The following MRPS18A variants were observed in gnomAD, a reference collection of about 807,000 sequenced individuals.
MRPS18A encodes the protein mitochondrial ribosomal protein S18A.
In MRPS18A, 20 loss-of-function variants were observed where a neutral mutation model predicts 22.7. The ratio of observed to expected loss-of-function variants is 0.88; its 90% CI spans 0.62 to 1.28. MRPS18A has a LOEUF of 1.28. Among genes scored for constraint, MRPS18A ranks in the 50% most tolerant of loss-of-function variants. The pLI, the probability that MRPS18A is intolerant of heterozygous loss-of-function variation, is 0.00. For missense variants in MRPS18A, 294 were observed against 262.6 expected (o/e 1.12, Z -0.83); for synonymous variants, 106 against 99.1 (o/e 1.07, Z -0.41).
At chr6:43,676,848 C>T (rs1283745214) in intron 3 of MRPS18A, among the ~76,000 whole-genome samples, 1 of 152,202 alleles carries the variant, frequency 6.6e-6, no homozygotes, top group Non-Finnish European at 1.5e-5. Context: ...GGACCCAGGC[C>T]TTCAATTCCC....
At chr6:43,681,215 C>G in intron 1 of MRPS18A, 95 bp from the exon 2 acceptor site, 7 of 1,312,858 alleles carry the variant, frequency 5.3e-6, no homozygotes, top group Middle Eastern at 1.8e-4. Flanking sequence ...TGGAAAAAAG[C>G]AGCCTTCCAT....
intron 1 of MRPS18A, among the ~76,000 whole-genome samples, chr6:43,684,470 C>T (rs955787815): frequency 1.2e-4 from 19 of 152,182 alleles, no homozygotes; most frequent in African/African-American, 4.3e-4. Context: ...CTGCTTCCTC[C>T]AGTTCATCTT....
At chr6:43,678,883 G>A (rs1484604041) in intron 2 of MRPS18A, among the ~76,000 whole-genome samples, 1 of 152,110 alleles carries the variant, frequency 6.6e-6, no homozygotes, top group African/African-American at 2.4e-5. Context: ...TAATACCAGT[G>A]TCAAGAGGGA....
intron 5 of MRPS18A, chr6:43,672,605 G>C (rs1773801048): frequency 9.4e-6 from 3 of 319,400 alleles, no homozygotes; most frequent in Admixed American, 7.9e-5. Flanking sequence ...TGTCCAGAAA[G>C]GCCCATCCTT....
chr6:43,686,741 A>T (rs1165623872), intron 1 of MRPS18A, among the ~76,000 whole-genome samples: 1 of 152,210 alleles, frequency 6.6e-6, no homozygotes, highest in Non-Finnish European at 1.5e-5. Flanking sequence ...AAAAAACCCC[A>T]CATCTCTTCT....
intron 1 of MRPS18A, 60 bp downstream of exon 1, chr6:43,687,608 G>A (rs1774787357): frequency 7.2e-7 from 1 of 1,392,368 alleles, no homozygotes. Context: ...ACCGGGGCTG[G>A]CGGAAGCAGT....
At chr6:43,677,490 C>T (rs912060289) in intron 3 of MRPS18A, among the ~76,000 whole-genome samples, 1 of 152,206 alleles carries the variant, frequency 6.6e-6, no homozygotes, top group African/African-American at 2.4e-5. Context: ...GAGCCTGAAT[C>T]ACCTGAAACC....
At position 43,687,675 on chromosome 6, in the gene MRPS18A, G is replaced by T; in HGVS notation, c.105C>A (p.Phe35Leu). ...TSWSRLPARGFREVVETQEGK... is the reference protein window; with the variant it reads ...TSWSRLPARGLREVVETQEGK... Reference sequence around the variant, plus strand: ...CTGGGACGCATGACTCACCTTCCCTGAACCCGCGAGCTGGAAGCCGAGACC... The same window carrying T: ...CTGGGACGCATGACTCACCTTCCCTTAACCCGCGAGCTGGAAGCCGAGACC... Residue 35 changes from phenylalanine to leucine, a missense_variant, in exon 1 of 6, where the codon TTC becomes TTA. Coordinates refer to ENST00000372133, the MANE Select transcript of MRPS18A (RefSeq NM_018135.4). 6.4e-7 allele frequency: 1 copy of T among 1,571,244 alleles called. No homozygotes were observed. Among genetic ancestry groups the T allele is most frequent in the Non-Finnish European group, 8.6e-7 (1 of 1,158,024 alleles).
intron 1 of MRPS18A, 96 bp from the exon 2 acceptor site, chr6:43,681,216 A>G (rs1197766282): frequency 7.7e-7 from 1 of 1,301,340 alleles, no homozygotes; most frequent in Non-Finnish European, 1.1e-6. Context: ...GGAAAAAAGC[A>G]GCCTTCCATC....
intron 5 of MRPS18A, among the ~76,000 whole-genome samples, chr6:43,672,875 G>A (rs1561948758): frequency 6.6e-6 from 1 of 152,116 alleles, no homozygotes; most frequent in Non-Finnish European, 1.5e-5. Context: ...TTGCTGGCCT[G>A]CACTCCAAGT....
chr6:43,674,904 A>G (rs118024214), intron 5 of MRPS18A, among the ~76,000 whole-genome samples: 1 of 152,198 alleles, frequency 6.6e-6, no homozygotes, highest in East Asian at 1.9e-4. Flanking sequence ...GGATACTGAA[A>G]ATTTGTAGTA....
intron 5 of MRPS18A, chr6:43,672,287 A>G: frequency 2.2e-6 from 1 of 456,596 alleles, no homozygotes; most frequent in East Asian, 6.7e-5. Flanking sequence ...CTCTGGAGGA[A>G]CCCATTGCTC....
In MRPS18A at chr6:43,671,202, T is replaced by G; in HGVS notation, c.*560A>C. On this transcript the variant is annotated 3_prime_UTR_variant, in exon 6 of 6. Coordinates refer to ENST00000372133, the MANE Select transcript of MRPS18A (RefSeq NM_018135.4). ...GGGAGAAGGTGACAACCAGGGCCCC[T>G]TTGAGGAACGCAGTTTCTTGGATTC... 1.7e-6 allele frequency: 1 copy of G among 582,794 alleles called. No homozygotes were observed. Among genetic ancestry groups the G allele is most frequent in the Non-Finnish European group, 3.0e-6 (1 of 328,430 alleles). The allele number at this position is 582,794 out of a possible 1,614,324, so 36.1% of individuals were successfully genotyped here.
At chr6:43,684,136 G>C (rs1287403891) in intron 1 of MRPS18A, among the ~76,000 whole-genome samples, 2 of 151,914 alleles carry the variant, frequency 1.3e-5, no homozygotes, top group Admixed American at 1.3e-4. Flanking sequence ...AACAAACACA[G>C]AAAATGCAAA....
chr6:43,672,918 G>T (rs1340021921), intron 5 of MRPS18A, among the ~76,000 whole-genome samples: 1 of 151,784 alleles, frequency 6.6e-6, no homozygotes, highest in Non-Finnish European at 1.5e-5. Flanking sequence ...GGCCTTCCAT[G>T]TGTCTCCTGG....
intron 1 of MRPS18A, among the ~76,000 whole-genome samples, chr6:43,684,355 C>A (rs1774575221): frequency 2.0e-5 from 3 of 151,974 alleles, no homozygotes; most frequent in Non-Finnish European, 2.9e-5. Flanking sequence ...GGCAGTGGCC[C>A]TAATAGTCTT....
At chr6:43,682,160 A>G (rs1038216983) in intron 1 of MRPS18A, among the ~76,000 whole-genome samples, 1 of 152,188 alleles carries the variant, frequency 6.6e-6, no homozygotes, top group Non-Finnish European at 1.5e-5. Flanking sequence ...TTAGCCAGGC[A>G]TGGTGGCATG....
At position 43,671,601 on chromosome 6, in the gene MRPS18A, G is replaced by C. The variant is rs764735294; in HGVS notation, c.*161C>G. ...CAGCATTGCTACTGTGCAGGCCAAG[G>C]GTACTGAAGTTAGTCCCACTGTCCC... is the stretch of plus-strand genomic sequence containing the variant. On this transcript the variant is annotated 3_prime_UTR_variant, in exon 6 of 6. Transcript: ENST00000372133. The C allele has an allele frequency of 2.5e-5, 20 of 792,640 alleles. No individual in the cohort carries two copies. Among genetic ancestry groups the C allele is most frequent in the African/African-American group, 3.4e-5 (2 of 58,114 alleles). 49.1% of individuals were successfully genotyped at this position (792,640 alleles called of 1,614,324 possible). A position where few individuals can be genotyped will look rare whatever the true frequency, so the allele number is the denominator to read the frequency against.
rs1561947914 is a variant in MRPS18A at position 43,671,712 on chromosome 6, C to T, written c.*50G>A. 1 of 1,611,354 alleles carries T rather than the reference C, an allele frequency of 6.2e-7. No individual in the cohort carries two copies. The highest frequency in any genetic ancestry group is 8.5e-7 in the Non-Finnish European group (1 of 1,178,054). ...TGGCCAAGGGCTTGTGAGTGGGCCTCCTACTCCCCAGCACAGGTGCAGGAG... is the reference window on the plus strand; with the variant it reads ...TGGCCAAGGGCTTGTGAGTGGGCCTTCTACTCCCCAGCACAGGTGCAGGAG... On this transcript the variant is annotated 3_prime_UTR_variant, in exon 6 of 6. Transcript: ENST00000372133.
Sources: allele counts gnomAD v4.1 joint callset (sites outside exome capture counted in the v4.1 genomes callset), GRCh38; gene constraint gnomAD v4.1.1; transcripts MANE v1.5; gene names NCBI Gene and HGNC (gene_info 2026-07-23, HGNC 2026-07-21).